AOPEP: variants seen among roughly 807,000 people sequenced by gnomAD.
AOPEP encodes aminopeptidase O (putative), also known as aminopeptidase O.
In AOPEP, 77 loss-of-function variants were observed where a neutral mutation model predicts 98.1. That is an observed-to-expected ratio of 0.78 (90% CI 0.65 to 0.95). The LOEUF (loss-of-function observed/expected upper bound fraction) is 0.95, where lower values mean the gene tolerates loss of function less well. Among genes scored for constraint, AOPEP ranks in the 40% least tolerant of loss-of-function variants. AOPEP has a pLI of 0.00. For synonymous variants in AOPEP, 346 were observed against 365.3 expected (o/e 0.95, Z 0.60); for missense variants, 1,024 against 1,024.7 (o/e 1.00, Z 0.01).
chr9:95,096,946 A>G, the AOPEP span, among the ~76,000 whole-genome samples: 1 of 152,216 alleles, frequency 6.6e-6, no homozygotes, highest in Non-Finnish European at 1.5e-5. Flanking sequence ...CAGCAGTTAC[A>G]GCAGTACCCT....
intron 7 of AOPEP, among the ~76,000 whole-genome samples, chr9:94,952,893 G>A (rs1044361168): frequency 6.6e-6 from 1 of 152,252 alleles, no homozygotes; most frequent in Non-Finnish European, 1.5e-5. Context: ...AAGAGAGTTA[G>A]AGAGGGATGC....
intron 16 of AOPEP, chr9:95,086,032 A>G (rs749804705): frequency 1.5e-6 from 2 of 1,367,524 alleles, no homozygotes; most frequent in Non-Finnish European, 2.0e-6. Flanking sequence ...TCCGGTGCCT[A>G]CTGAGCTGAT....
chr9:94,997,453 G>A lies in AOPEP; in HGVS notation c.1978-7705G>A, dbSNP rs142330909. The stretch of plus-strand genomic sequence containing the variant: ...ATTTTTTCCATAGTAACCTATTTGA[G>A]ATGGGGCATCATTAAAATTATCTAA... On this transcript the variant is annotated intron_variant, in intron 11 of 16. Transcript: ENST00000375315. Among the ~76,000 whole-genome samples, 4 of 152,286 alleles carry A rather than the reference G, an allele frequency of 2.6e-5. No homozygotes were observed. In the East Asian group the frequency reaches 7.7e-4, roughly 29 times the overall value.
chr9:94,727,420 G>A (rs557535047), intron 1 of AOPEP, among the ~76,000 whole-genome samples: 1 of 152,282 alleles, frequency 6.6e-6, no homozygotes, highest in African/African-American at 2.4e-5. Flanking sequence ...AATGCCCCTT[G>A]TACCTGATTT....
At chr9:94,963,576 A>G (rs1305928895) in intron 9 of AOPEP, among the ~76,000 whole-genome samples, 1 of 150,418 alleles carries the variant, frequency 6.6e-6, no homozygotes, top group Non-Finnish European at 1.5e-5. Context: ...TCATAGATTT[A>G]AATAAATCTA....
intron 1 of AOPEP, among the ~76,000 whole-genome samples, chr9:94,730,338 A>G (rs1478822710): frequency 6.6e-6 from 1 of 150,538 alleles, no homozygotes; most frequent in African/African-American, 2.5e-5. Context: ...TCTGTCTAGT[A>G]TAAATTTTAT....
In AOPEP at chr9:94,988,098, G is replaced by A. The variant is rs565480970; in HGVS notation, c.1977+8671G>A. Among the ~76,000 whole-genome samples, 5 of 152,296 alleles carry A rather than the reference G, an allele frequency of 3.3e-5. No individual in the cohort carries two copies. The East Asian group carries it at 9.7e-4, about 29-fold the overall frequency. On this transcript the variant is annotated intron_variant, in intron 11 of 16. Transcript: ENST00000375315. ...CCTTGGTTTCTGACTGAACTTTCAGGTCCAGAAGCTCTTCATTTACATGGA... is the reference window on the plus strand; with the variant it reads ...CCTTGGTTTCTGACTGAACTTTCAGATCCAGAAGCTCTTCATTTACATGGA...
At chr9:95,035,239 T>A (rs925586425) in intron 13 of AOPEP, among the ~76,000 whole-genome samples, 1 of 151,410 alleles carries the variant, frequency 6.6e-6, no homozygotes. Context: ...AAGAAAACCA[T>A]CCCTACATTG....
intron 5 of AOPEP, among the ~76,000 whole-genome samples, chr9:94,910,389 C>T (rs1451221396): frequency 6.6e-6 from 1 of 152,228 alleles, no homozygotes; most frequent in Non-Finnish European, 1.5e-5. Context: ...ACCCCAGCTT[C>T]CTTGTCCTCT....
chr9:94,728,239 G>GCGCGCGCGCGCGCACACACA lies in AOPEP; in HGVS notation c.-136+1489_-136+1490insGCGCGCGCGCGCACACACAC, dbSNP rs113657409. On this transcript the variant is annotated intron_variant, in intron 1 of 16. Coordinates refer to ENST00000375315, the MANE Select transcript of AOPEP (RefSeq NM_001193329.3). ...TGTGATCCTTCCTGCGTGCGCGCATGCACACACACACACACACACACACAC... is the reference window on the plus strand; with the variant it reads ...TGTGATCCTTCCTGCGTGCGCGCATGCGCGCGCGCGCGCACACACACACACACACACACACACACACACAC... 8.9e-3 allele frequency among the ~76,000 whole-genome samples: 1,309 copies of GCGCGCGCGCGCGCACACACA among 146,574 alleles called. 19 individuals carry two copies. The highest frequency in any genetic ancestry group is 0.028 in the African/African-American group (1,122 of 39,914).
chr9:94,982,060 A>G (rs1314902902), intron 11 of AOPEP, among the ~76,000 whole-genome samples: 2 of 152,212 alleles, frequency 1.3e-5, no homozygotes, highest in Non-Finnish European at 2.9e-5. Flanking sequence ...TCCCAACTCT[A>G]TAACCTCTGG....
At chr9:94,826,767 C>G (rs952055332) in intron 5 of AOPEP, among the ~76,000 whole-genome samples, 1 of 151,900 alleles carries the variant, frequency 6.6e-6, no homozygotes, top group Non-Finnish European at 1.5e-5. Flanking sequence ...GGTGATGGAG[C>G]TGATGATATT....
At chr9:94,868,388 A>C (rs1166820262) in intron 5 of AOPEP, among the ~76,000 whole-genome samples, 1 of 152,138 alleles carries the variant, frequency 6.6e-6, no homozygotes, top group Non-Finnish European at 1.5e-5. Context: ...TATTTTCTTC[A>C]ATTTTAGATG....
intron 5 of AOPEP, among the ~76,000 whole-genome samples, chr9:94,823,196 G>A (rs372538537): frequency 5.3e-5 from 8 of 152,024 alleles, no homozygotes; most frequent in African/African-American, 9.7e-5. Flanking sequence ...GGGTTTCTCC[G>A]TGTTGGTCAG....
At chr9:94,752,254 G>A (rs1055201475) in intron 1 of AOPEP, among the ~76,000 whole-genome samples, 15 of 152,010 alleles carry the variant, frequency 9.9e-5, no homozygotes, top group Non-Finnish European at 1.3e-4. Context: ...CATAGTCTGT[G>A]GGCTTCTGGC....
the AOPEP span, among the ~76,000 whole-genome samples, chr9:95,093,440 A>AG: frequency 6.6e-6 from 1 of 152,194 alleles, no homozygotes; most frequent in Non-Finnish European, 1.5e-5. Context: ...GTCTCCTTTT[A>AG]AAGTTACAGA....
intron 5 of AOPEP, among the ~76,000 whole-genome samples, chr9:94,887,350 AAAT>A (rs372787659): frequency 1.9e-4 from 28 of 150,526 alleles, no homozygotes; most frequent in South Asian, 1.0e-3. Flanking sequence ...CCTGTCTCCA[AAAT>A]AATAATAATA....
At chr9:94,841,072 G>A (rs2134805633) in intron 5 of AOPEP, among the ~76,000 whole-genome samples, 1 of 151,912 alleles carries the variant, frequency 6.6e-6, no homozygotes, top group South Asian at 2.1e-4. Context: ...TCTTAAGGTA[G>A]CAACTTAGCT....
At chr9:95,059,174 C>T (rs1356036978) in intron 13 of AOPEP, among the ~76,000 whole-genome samples, 1 of 152,226 alleles carries the variant, frequency 6.6e-6, no homozygotes, top group Non-Finnish European at 1.5e-5. Flanking sequence ...CTTGACTTCT[C>T]ATGAAAAGAA....
Sources: allele counts gnomAD v4.1 joint callset (sites outside exome capture counted in the v4.1 genomes callset), GRCh38; gene constraint gnomAD v4.1.1; transcripts MANE v1.5; gene names NCBI Gene and HGNC (gene_info 2026-07-23, HGNC 2026-07-21).